Variants in CPAMD8 observed in about 807,000 individuals in gnomAD.
CPAMD8 encodes the protein C3 and PZP like alpha-2-macroglobulin domain containing 8.
Under a neutral mutation model 224.7 loss-of-function variants are expected in CPAMD8, and 146 were observed. That is an observed-to-expected ratio of 0.65 (90% CI 0.57 to 0.75). The LOEUF is 0.75. Among genes scored for constraint, CPAMD8 ranks in the 30% least tolerant of loss-of-function variants. CPAMD8 has a pLI of 0.00. For missense variants in CPAMD8, 2,301 were observed against 2,537.5 expected, an observed-to-expected ratio of 0.91 and a Z score of 2.00; for synonymous variants, 966 against 1,044.6, an observed-to-expected ratio of 0.92 and a Z score of 1.45.
chr19:16,939,606 C>T (rs1228162514), intron 22 of CPAMD8, among the ~76,000 whole-genome samples: 2 of 152,144 alleles, frequency 1.3e-5, no homozygotes, highest in African/African-American at 4.8e-5. Context: ...AGTGCTTCTG[C>T]AAGAGATCAG....
rs948556941 is a variant in CPAMD8 at position 16,938,427 on chromosome 19, G to T, written c.2813C>A (p.Ala938Glu). The change falls in exon 23 of 42, where the codon GCG becomes GAG. Residue 938 changes from alanine to glutamate, a missense_variant. By Grantham distance (107) the Ala-to-Glu change is moderately radical. Coordinates refer to ENST00000443236, the MANE Select transcript of CPAMD8 (RefSeq NM_015692.5). ...VMVEAEGVPR[A>E]YTYSAFFCPS... ...ACAGAAGAATGCGCTGTAGGTGTAC[G>T]CCCGGGGGACTCCTTCCGCCTGAAA... is the stretch of plus-strand genomic sequence containing the variant. 1.3e-6 allele frequency: 2 copies of T among 1,576,536 alleles called. No individual in the cohort carries two copies. The highest frequency in any genetic ancestry group is 2.8e-5 in the African/African-American group (2 of 72,096).
At chr19:16,915,520 T>C (rs998869249) in intron 27 of CPAMD8, among the ~76,000 whole-genome samples, 6 of 152,222 alleles carry the variant, frequency 3.9e-5, no homozygotes, top group Non-Finnish European at 7.3e-5. Context: ...TCTGTTGTTT[T>C]CAGCCAAAAA....
chr19:17,011,068 C>G (rs577648905), intron 5 of CPAMD8, among the ~76,000 whole-genome samples: 1 of 151,814 alleles, frequency 6.6e-6, no homozygotes, highest in African/African-American at 2.4e-5. Context: ...GTGGTGGGCA[C>G]CTATAATCCC....
intron 26 of CPAMD8, among the ~76,000 whole-genome samples, chr19:16,923,270 G>C (rs1372697181): frequency 6.6e-6 from 1 of 152,244 alleles, no homozygotes; most frequent in Admixed American, 6.5e-5. Context: ...GTGGACCGTA[G>C]GGTCTGGACA....
chr19:16,927,589 C>T (rs2053409129), intron 25 of CPAMD8, among the ~76,000 whole-genome samples: 1 of 152,154 alleles, frequency 6.6e-6, no homozygotes, highest in African/African-American at 2.4e-5. Flanking sequence ...GCCCCATCAC[C>T]AAGACCCCCC....
intron 10 of CPAMD8, among the ~76,000 whole-genome samples, chr19:16,997,626 G>A (rs10421800): frequency 0.055 from 8,347 of 151,832 alleles, 245 homozygotes; most frequent in African/African-American, 0.071. Context: ...TGTGGCGGGC[G>A]GGTCACTTGA....
intron 10 of CPAMD8, 48 bp from the exon 11 acceptor site, chr19:16,997,386 C>G: frequency 9.0e-7 from 1 of 1,107,112 alleles, no homozygotes. Context: ...GTTGGAGTGT[C>G]TTTGAGGGAT....
chr19:16,914,196 C>A (rs1448887912), intron 29 of CPAMD8, among the ~76,000 whole-genome samples: 1 of 152,118 alleles, frequency 6.6e-6, no homozygotes, highest in African/African-American at 2.4e-5. Flanking sequence ...CAGCCCCCAA[C>A]ATGTGCCCAA....
At chr19:17,009,984 T>C (rs2056603666) in intron 5 of CPAMD8, among the ~76,000 whole-genome samples, 1 of 152,030 alleles carries the variant, frequency 6.6e-6, no homozygotes, top group Admixed American at 6.6e-5. Context: ...CCAAGGGGCG[T>C]TCTGCAAAAC....
At chr19:16,922,210 A>T (rs1186937767) in intron 26 of CPAMD8, among the ~76,000 whole-genome samples, 1 of 151,574 alleles carries the variant, frequency 6.6e-6, no homozygotes, top group Non-Finnish European at 1.5e-5. Flanking sequence ...GGTTCTTGAA[A>T]CTGCTTTATA....
chr19:17,005,453 C>A, intron 7 of CPAMD8, among the ~76,000 whole-genome samples: 1 of 151,294 alleles, frequency 6.6e-6, no homozygotes, highest in Non-Finnish European at 1.5e-5. Flanking sequence ...AGAGCACTCT[C>A]TCCCCAAACA....
chr19:16,939,923 T>C (rs1459757686), intron 22 of CPAMD8, among the ~76,000 whole-genome samples: 1 of 150,660 alleles, frequency 6.6e-6, no homozygotes, highest in African/African-American at 2.4e-5. Flanking sequence ...TTTGTTTTTG[T>C]TTTTTTTTAG....
Position 16,993,504 on chromosome 19 carries a change from A to G in CPAMD8, c.1178T>C (p.Ile393Thr). Residue 393 changes from isoleucine to threonine, a missense_variant, in exon 12 of 42, where the codon ATC becomes ACC. Physicochemically the swap from Ile to Thr is moderately conservative, Grantham distance 89. Transcript: ENST00000443236. ...IKAELTPKDN[I>T]YTSEVVSQRG... The stretch of plus-strand genomic sequence containing the variant: ...CTGGGACACAACTTCACTGGTGTAG[A>G]TGTTATCCTTTGGTGTCAGCTCTGC... The G allele has an allele frequency of 1.2e-6, 2 of 1,614,004 alleles. No homozygotes were observed. The highest frequency in any genetic ancestry group is 8.5e-7 in the Non-Finnish European group (1 of 1,179,900).
At chr19:16,928,347 G>T in intron 24 of CPAMD8, 113 bp from the exon 25 acceptor site, 2 of 764,194 alleles carry the variant, frequency 2.6e-6, no homozygotes, top group African/African-American at 1.7e-5. Flanking sequence ...CATGCTCACA[G>T]TGCAAGGAAG....
rs747740757 is a variant in CPAMD8 at position 16,947,109 on chromosome 19, A to G, written c.2627T>C (p.Leu876Pro). The change falls in exon 21 of 42, where the codon CTG becomes CCG. Residue 876 changes from leucine to proline, a missense_variant. By Grantham distance (98) the Leu-to-Pro change is moderately conservative. Around this residue, in one of 4 missense-constraint regions of CPAMD8, gnomAD observed 1,709 missense variants for 1,753.2 expected, o/e 0.97. Coordinates refer to ENST00000443236, the MANE Select transcript of CPAMD8 (RefSeq NM_015692.5). The stretch of plus-strand genomic sequence containing the variant: ...GTTGAGTCCCAGGTCGCTGAAGGAC[A>G]GAACGACCCAGATGGGCTCAGCCTC... ...PGEAEPIWVV[L>P]SFSDLGLNNI... 6.2e-7 allele frequency: 1 copy of G among 1,613,152 alleles called. No homozygotes were observed. The highest frequency in any genetic ancestry group is 1.7e-5 in the Admixed American group (1 of 59,924).
chr19:16,916,709 AG>A (rs1321082646), intron 27 of CPAMD8, among the ~76,000 whole-genome samples: 1 of 152,054 alleles, frequency 6.6e-6, no homozygotes, highest in Non-Finnish European at 1.5e-5. Flanking sequence ...ACTGCACTCT[AG>A]CCTGGGTGTC....
chr19:16,952,316 A>G (rs1016459874), intron 19 of CPAMD8, 116 bp from the exon 20 acceptor site: 1 of 662,728 alleles, frequency 1.5e-6, no homozygotes, highest in Admixed American at 2.8e-5. Flanking sequence ...CTAGGAGCTT[A>G]GAAACAAGCA....
chr19:16,907,527 G>C (rs1461081383), intron 29 of CPAMD8: 2 of 150,708 alleles, frequency 1.3e-5, no homozygotes, highest in Non-Finnish European at 2.9e-5. Context: ...AGAACTGCTT[G>C]AACCAGGGAG....
chr19:16,998,515 G>A (rs1318254772), intron 10 of CPAMD8, among the ~76,000 whole-genome samples: 1 of 152,016 alleles, frequency 6.6e-6, no homozygotes, highest in Non-Finnish European at 1.5e-5. Flanking sequence ...CATAAGAGAG[G>A]GGAGCCCATT....
Sources: allele counts gnomAD v4.1 joint callset (sites outside exome capture counted in the v4.1 genomes callset), GRCh38; gene constraint gnomAD v4.1.1; regional missense constraint gnomAD v4.1.1; transcripts MANE v1.5; gene names NCBI Gene and HGNC (gene_info 2026-07-23, HGNC 2026-07-21).